The following PRKN variants were observed in gnomAD, a reference collection of about 807,000 sequenced individuals.
The protein encoded by PRKN is E3 ubiquitin-protein ligase parkin.
A neutral mutation model predicts 59.5 loss-of-function variants in PRKN; 56 were observed. The observed-to-expected ratio is 0.94, with a 90% CI of 0.76 to 1.18. The LOEUF (loss-of-function observed/expected upper bound fraction) is 1.18. Among genes scored for constraint, PRKN ranks in the 50% most tolerant of loss-of-function variants. The pLI, the probability that PRKN is intolerant of heterozygous loss-of-function variation, is 0.00. For synonymous variants in PRKN, 250 were observed against 222.1 expected, an observed-to-expected ratio of 1.13 and a Z score of -1.12; for missense variants, 657 against 596.4, an observed-to-expected ratio of 1.10 and a Z score of -1.06.
intron 6 of PRKN, among the ~76,000 whole-genome samples, chr6:161,894,782 T>C (rs1184586947): frequency 1.3e-5 from 2 of 152,248 alleles, no homozygotes; most frequent in Admixed American, 6.5e-5. Context: ...TGGCTTGCCA[T>C]ATTGGCAGAA....
In PRKN at chr6:161,488,218, T is replaced by A. The variant is rs1777406714; in HGVS notation, c.1083+60636A>T. On this transcript the variant is annotated intron_variant, in intron 9 of 11. Transcript: ENST00000366898. The surrounding 1 kb of genome is among the most constrained non-coding windows in gnomAD (Gnocchi z 4.5). ...AGGAAGGTCCTCCAGGAAGGGAGAG[T>A]CATGGCCCTAGGAAGAGGACAAGTC... 6.6e-6 allele frequency among the ~76,000 whole-genome samples: 1 copy of A among 151,566 alleles called. No homozygotes were observed. The highest frequency in any genetic ancestry group is 1.5e-5 in the Non-Finnish European group (1 of 67,896).
Position 161,502,405 on chromosome 6 carries a change from TG to T in PRKN, c.1083+46448del. ...AGCTTCTAGAAGTAAACATGACTGA[TG>T]GTAAAGGACCCCTTCTAACCAACCC... On this transcript the variant is annotated intron_variant, in intron 9 of 11. Transcript: ENST00000366898. The surrounding 1 kb of genome is among the most constrained non-coding windows in gnomAD (Gnocchi z 4.0). 6.6e-6 allele frequency among the ~76,000 whole-genome samples: 1 copy of T among 152,284 alleles called. No homozygotes were observed.
At chr6:161,961,701 C>T (rs768167121) in intron 6 of PRKN, among the ~76,000 whole-genome samples, 5 of 152,146 alleles carry the variant, frequency 3.3e-5, no homozygotes, top group African/African-American at 7.2e-5. Context: ...ATCAGAAACG[C>T]AAGGTTTTAT....
chr6:162,400,763 T>C (rs900256361), intron 2 of PRKN, among the ~76,000 whole-genome samples: 5 of 152,082 alleles, frequency 3.3e-5, no homozygotes, highest in African/African-American at 1.2e-4. Context: ...AGAGGATACA[T>C]CTTTTCTCAA....
In PRKN at chr6:161,470,156, C is replaced by A. The variant is rs1790713603; in HGVS notation, c.1083+78698G>T. On this transcript the variant is annotated intron_variant, in intron 9 of 11. Transcript: ENST00000366898. The surrounding 1 kb of genome is among the most constrained non-coding windows in gnomAD (Gnocchi z 5.1). ...CTAGGAAGTGAACTCTGGCTAGGGT[C>A]TAAACCTAGACAGTCTGAGCCTTGT... Among the ~76,000 whole-genome samples the A allele has an allele frequency of 6.6e-6, 1 of 152,180 alleles. No individual in the cohort carries two copies. Among genetic ancestry groups the A allele is most frequent in the South Asian group, 2.1e-4 (1 of 4,826 alleles).
At chr6:161,406,999 C>T (rs1315376120) in intron 9 of PRKN, among the ~76,000 whole-genome samples, 1 of 152,056 alleles carries the variant, frequency 6.6e-6, no homozygotes, top group African/African-American at 2.4e-5. Flanking sequence ...AAGGTTTAGG[C>T]TCGTTGGATA....
Position 161,371,187 on chromosome 6 carries a change from G to A in PRKN, c.1168-10982C>T, listed in dbSNP as rs1455167942. 6.6e-6 allele frequency among the ~76,000 whole-genome samples: 1 copy of A among 150,942 alleles called. No individual in the cohort carries two copies. The highest frequency in any genetic ancestry group is 2.4e-5 in the African/African-American group (1 of 41,010). Reference sequence around the variant, plus strand: ...ATTTTGTTATTTTTTTTTTTGAGACGTTGTTTCGCTCCTGTTGCCCAGGCT... The same window carrying A: ...ATTTTGTTATTTTTTTTTTTGAGACATTGTTTCGCTCCTGTTGCCCAGGCT... On this transcript the variant is annotated intron_variant, in intron 10 of 11. Transcript: ENST00000366898. The surrounding 1 kb of genome is among the most constrained non-coding windows in gnomAD (Gnocchi z 5.5).
At chr6:162,339,165 T>C (rs368546962) in intron 2 of PRKN, among the ~76,000 whole-genome samples, 9,494 of 101,726 alleles carry the variant, frequency 0.093, 682 homozygotes, top group Middle Eastern at 0.16. Context: ...GTGAGGAGCC[T>C]CTCCGCCCGG....
Position 161,592,801 on chromosome 6 carries a change from G to T in PRKN, c.872-23385C>A, listed in dbSNP as rs917516689. 2.0e-5 allele frequency among the ~76,000 whole-genome samples: 3 copies of T among 152,158 alleles called. No individual in the cohort carries two copies. The highest frequency in any genetic ancestry group is 7.2e-5 in the African/African-American group (3 of 41,456). ...GCAGAGCAGACAGGTCTGCGGGCCAGGGTGCCGCCAGGATAGGAGGGCTGG... is the reference window on the plus strand; with the variant it reads ...GCAGAGCAGACAGGTCTGCGGGCCATGGTGCCGCCAGGATAGGAGGGCTGG... On this transcript the variant is annotated intron_variant, in intron 7 of 11. Transcript: ENST00000366898. This position sits in a 1 kb window ranked among gnomAD's most constrained non-coding sequence, Gnocchi z 4.8.
At chr6:162,412,331 G>A (rs935793791) in intron 2 of PRKN, among the ~76,000 whole-genome samples, 5 of 152,040 alleles carry the variant, frequency 3.3e-5, no homozygotes, top group Non-Finnish European at 7.4e-5. Flanking sequence ...TCTGGACTGA[G>A]GATTCTAGGG....
chr6:162,568,936 A>C (rs1780200295), intron 1 of PRKN: 1 of 667,332 alleles, frequency 1.5e-6, no homozygotes, highest in Non-Finnish European at 2.7e-6. Context: ...AACAAGGTAG[A>C]GCTGTAGTCT....
intron 2 of PRKN, among the ~76,000 whole-genome samples, chr6:162,414,518 T>C (rs542995870): frequency 9.9e-5 from 15 of 151,394 alleles, no homozygotes; most frequent in East Asian, 2.0e-4. Flanking sequence ...CCATCCTGGC[T>C]AACATGGTGA....
chr6:162,161,299 A>G (rs761416088), intron 4 of PRKN, among the ~76,000 whole-genome samples: 1 of 152,154 alleles, frequency 6.6e-6, no homozygotes, highest in Non-Finnish European at 1.5e-5. Flanking sequence ...TGTGGTGTCC[A>G]GCCCAGTACC....
intron 1 of PRKN, among the ~76,000 whole-genome samples, chr6:162,618,135 T>C (rs1231950745): frequency 6.6e-6 from 1 of 152,174 alleles, no homozygotes; most frequent in East Asian, 1.9e-4. Flanking sequence ...CATGCCTCTT[T>C]CTGTCTGAAA....
chr6:162,523,665 A>C (rs1220751917), intron 1 of PRKN, among the ~76,000 whole-genome samples: 1 of 152,050 alleles, frequency 6.6e-6, no homozygotes, highest in African/African-American at 2.4e-5. Context: ...CTGTCTCAAA[A>C]AGAAAAAAGA....
chr6:161,531,545 A>C (rs1367837769), intron 9 of PRKN, among the ~76,000 whole-genome samples: 3 of 152,192 alleles, frequency 2.0e-5, no homozygotes, highest in Non-Finnish European at 4.4e-5. Flanking sequence ...TGGCCCAGTA[A>C]GACCATCCCA....
intron 7 of PRKN, among the ~76,000 whole-genome samples, chr6:161,616,779 T>A (rs1782714681): frequency 6.6e-6 from 1 of 152,204 alleles, no homozygotes; most frequent in Non-Finnish European, 1.5e-5. Context: ...ATGGTGTATA[T>A]GTGTCACATT....
intron 1 of PRKN, among the ~76,000 whole-genome samples, chr6:162,670,651 G>C (rs1474969399): frequency 1.3e-5 from 2 of 152,136 alleles, no homozygotes; most frequent in Non-Finnish European, 2.9e-5. Flanking sequence ...TTAAAAAGAA[G>C]ACTTGCCACC....
intron 1 of PRKN, among the ~76,000 whole-genome samples, chr6:162,651,332 T>C (rs1778424068): frequency 6.6e-6 from 1 of 152,166 alleles, no homozygotes; most frequent in East Asian, 1.9e-4. Flanking sequence ...CATACACACG[T>C]GCACACCGTA....
Sources: gnomAD v4.1 joint callset for allele counts (sites outside exome capture counted in the v4.1 genomes callset) on GRCh38, gnomAD v4.1.1 for gene constraint, Gnocchi (gnomAD v3.1) non-coding constraint, MANE v1.5 for transcripts, NCBI Gene and HGNC (gene_info 2026-07-23, HGNC 2026-07-21) for gene names.